MINK1: variants seen among roughly 807,000 people sequenced by gnomAD.
The protein encoded by MINK1 is misshapen-like kinase 1.
In MINK1, 46 loss-of-function variants were observed where a neutral mutation model predicts 178.4. The observed-to-expected ratio is 0.26, with a 90% CI of 0.20 to 0.33. MINK1 has a LOEUF of 0.33. Ranked by LOEUF, MINK1 falls within the 10% of genes least tolerant of loss-of-function variation. MINK1 has a pLI of 1.00. For missense variants in MINK1, 1,366 were observed against 1,814.9 expected, an observed-to-expected ratio of 0.75 and a Z score of 4.49; for synonymous variants, 797 against 709.7, an observed-to-expected ratio of 1.12 and a Z score of -1.96.
intron 4 of MINK1, 49 bp downstream of exon 4, chr17:4,881,306 C>T (rs563630598): frequency 1.7e-5 from 26 of 1,526,458 alleles, no homozygotes; most frequent in South Asian, 9.6e-5. Context: ...TCCCTGTCTC[C>T]GGGCTGTTCA....
intron 1 of MINK1, among the ~76,000 whole-genome samples, chr17:4,860,168 T>G (rs1015916188): frequency 6.6e-6 from 1 of 152,184 alleles, no homozygotes; most frequent in Non-Finnish European, 1.5e-5. Flanking sequence ...TAGCCAGAGT[T>G]CTCATCTGCC....
intron 1 of MINK1, among the ~76,000 whole-genome samples, chr17:4,841,717 G>A (rs1031875094): frequency 1.3e-5 from 2 of 152,098 alleles, no homozygotes; most frequent in Admixed American, 1.3e-4. Flanking sequence ...GCACACAGTA[G>A]GGGTTCAGAA....
Position 4,894,357 on chromosome 17 carries a change from G to C in MINK1, c.2808+46G>C, listed in dbSNP as rs775572672. On this transcript the variant is annotated intron_variant, in intron 23 of 31. Coordinates refer to ENST00000355280, the MANE Select transcript of MINK1 (RefSeq NM_153827.5). The surrounding 1 kb of genome is among the most constrained non-coding windows in gnomAD (Gnocchi z 4.1). The stretch of plus-strand genomic sequence containing the variant: ...TCCGCCGGGAGAGAAGAGCCCTGGC[G>C]ATGGGCAGGAGGTCCCGGTGCTGGG... The C allele has an allele frequency of 8.2e-6, 13 of 1,591,610 alleles. No individual in the cohort carries two copies. In the South Asian group the frequency reaches 9.1e-5, roughly 11 times the overall value.
rs1391567031 is a variant in MINK1, at chr17:4,887,574, G to A, written c.1020-6G>A. 3 of 1,511,698 alleles carry A rather than the reference G, an allele frequency of 2.0e-6. No individual in the cohort carries two copies. The highest frequency in any genetic ancestry group is 2.3e-5 in the Admixed American group (1 of 43,542). 93.6% of individuals were successfully genotyped at this position (1,511,698 alleles called of 1,614,324 possible). ...CCCAGTGCTTCTTTGTGCCACCCCT[G>A]CCCAGCTCCATCATGAACGTGCCTG... On this transcript the variant is annotated splice_polypyrimidine_tract_variant and splice_region_variant and intron_variant, in intron 11 of 31. Coordinates refer to ENST00000355280, the MANE Select transcript of MINK1 (RefSeq NM_153827.5). This position sits in a 1 kb window ranked among gnomAD's most constrained non-coding sequence, Gnocchi z 7.6.
intron 1 of MINK1, chr17:4,871,181 ATTTT>A (rs148817521): frequency 1.3e-3 from 174 of 134,804 alleles, no homozygotes; most frequent in South Asian, 0.01. Flanking sequence ...GTTTGTTTTA[ATTTT>A]TTTTTTTTTT....
In MINK1 at chr17:4,896,956, A is replaced by T; in HGVS notation, c.3915+143A>T. 8.7e-7 allele frequency: 1 copy of T among 1,155,722 alleles called. No homozygotes were observed. Among genetic ancestry groups the T allele is most frequent in the South Asian group, 1.6e-5 (1 of 60,638 alleles). 71.6% of individuals were successfully genotyped at this position (1,155,722 alleles called of 1,614,324 possible). On this transcript the variant is annotated intron_variant, in intron 31 of 31. Coordinates refer to ENST00000355280, the MANE Select transcript of MINK1 (RefSeq NM_153827.5). The surrounding 1 kb of genome is among the most constrained non-coding windows in gnomAD (Gnocchi z 4.6). ...GGAGCTCAGAGGGCAGTCAGCCACT[A>T]CCACTGCCCTGCGCTCCCTTCAGAT... is the stretch of plus-strand genomic sequence containing the variant.
chr17:4,887,675 AGCAGCAGCT>A lies in MINK1; in HGVS notation c.1124_1132del (p.Leu375_Gln377del), dbSNP rs758844142. On this transcript the variant is annotated inframe_deletion, in exon 12 of 32. Transcript: ENST00000355280. The surrounding 1 kb of genome is among the most constrained non-coding windows in gnomAD (Gnocchi z 7.6). Reference sequence around the variant, plus strand: ...AGCAACTCAGAGGCTTTAAAACAGCAGCAGCAGCTGCAGCAGCAGCAGCAGCGAGACCCC... The same window carrying A: ...AGCAACTCAGAGGCTTTAAAACAGCAGCAGCAGCAGCAGCAGCGAGACCCC... The A allele has an allele frequency of 6.4e-7, 1 of 1,565,388 alleles. No individual in the cohort carries two copies. Among genetic ancestry groups the A allele is most frequent in the Middle Eastern group, 1.7e-4 (1 of 5,992 alleles).
chr17:4,895,440 G>A lies in MINK1; in HGVS notation c.3176G>A (p.Arg1059His), dbSNP rs994411662. The change falls in exon 26 of 32, where the codon CGC becomes CAC. Residue 1059 changes from arginine to histidine, a missense_variant. Transcript: ENST00000355280. The surrounding 1 kb of genome is among the most constrained non-coding windows in gnomAD (Gnocchi z 4.3). Reference sequence around the variant, plus strand: ...GTGTATGGACTCATTGGGCGGCGACGCTTCCAGCAGATGGATGTGCTGGAG... The same window carrying A: ...GTGTATGGACTCATTGGGCGGCGACACTTCCAGCAGATGGATGTGCTGGAG... The part of the protein sequence containing the change: ...GKVYGLIGRR[R>H]FQQMDVLEGL... 2.5e-6 allele frequency: 4 copies of A among 1,606,728 alleles called. No individual in the cohort carries two copies. The highest frequency in any genetic ancestry group is 3.4e-6 in the Non-Finnish European group (4 of 1,175,642).
intron 20 of MINK1, 121 bp downstream of exon 20, chr17:4,893,188 G>T: frequency 2.0e-6 from 3 of 1,537,328 alleles, no homozygotes; most frequent in South Asian, 1.2e-5. Context: ...GGGATGGAGG[G>T]ACTGGTGCTT....
At position 4,892,465 on chromosome 17, in the gene MINK1, G is replaced by T. The variant is rs866585378; in HGVS notation, c.2151G>T (p.Lys717Asn). 1.9e-6 allele frequency: 3 copies of T among 1,563,030 alleles called. No homozygotes were observed. The highest frequency in any genetic ancestry group is 2.4e-5 in the East Asian group (1 of 41,606). The change falls in exon 18 of 32, where the codon AAG becomes AAT. Residue 717 changes from lysine (K) to asparagine (N), a missense_variant. This residue lies in a region of MINK1 where 709 missense variants were observed against 692.3 expected (regional missense o/e 1.02). Transcript: ENST00000355280. ...LQRRAERGTP[K>N]PPGPPAQPPG... ...GGCGGGCAGAGCGGGGCACCCCAAA[G>T]CCTCCAGGGCCCCCTGCTCAGCCCC...
intron 13 of MINK1, chr17:4,890,006 C>T (rs193168802): frequency 5.0e-5 from 28 of 559,928 alleles, no homozygotes; most frequent in Non-Finnish European, 8.5e-5. Flanking sequence ...CCTTCCTCAT[C>T]CCCCCTCATT....
chr17:4,888,922 A>G (rs1968492248), intron 12 of MINK1, among the ~76,000 whole-genome samples: 1 of 151,716 alleles, frequency 6.6e-6, no homozygotes, highest in Non-Finnish European at 1.5e-5. Context: ...CTGGTCTCGA[A>G]CTCCCGACCT....
At chr17:4,849,863 G>C (rs1039135536) in intron 1 of MINK1, among the ~76,000 whole-genome samples, 1 of 152,106 alleles carries the variant, frequency 6.6e-6, no homozygotes, top group Non-Finnish European at 1.5e-5. Context: ...GTGAGCCACC[G>C]CGCCCGGCTG....
chr17:4,872,393 G>A (rs1030117640), intron 1 of MINK1, among the ~76,000 whole-genome samples: 1 of 151,142 alleles, frequency 6.6e-6, no homozygotes, highest in Non-Finnish European at 1.5e-5. Flanking sequence ...AATCCCAGCA[G>A]TTTGGGAGGC....
chr17:4,854,784 C>A, intron 1 of MINK1: 1 of 492,972 alleles, frequency 2.0e-6, no homozygotes, highest in Non-Finnish European at 4.1e-6. Flanking sequence ...ACAAGTACTT[C>A]ACGTTGTGGA....
At chr17:4,880,744 A>G (rs1287912554) in intron 2 of MINK1, among the ~76,000 whole-genome samples, 3 of 151,620 alleles carry the variant, frequency 2.0e-5, no homozygotes, top group South Asian at 4.2e-4. Context: ...CTAAAAATAC[A>G]AAAAAATTAG....
rs1362153302 is a variant in MINK1, at chr17:4,833,945, A to G, written c.57+305A>G. 2.0e-5 allele frequency among the ~76,000 whole-genome samples: 3 copies of G among 152,050 alleles called. No homozygotes were observed. The highest frequency in any genetic ancestry group is 4.4e-5 in the Non-Finnish European group (3 of 68,006). ...GGGACCCACTGGTTCGCCTAAACTTAGCCTCCCCCATCACCTGGAGAACCT... is the reference window on the plus strand; with the variant it reads ...GGGACCCACTGGTTCGCCTAAACTTGGCCTCCCCCATCACCTGGAGAACCT... On this transcript the variant is annotated intron_variant, in intron 1 of 31. Transcript: ENST00000355280. This position sits in a 1 kb window ranked among gnomAD's most constrained non-coding sequence, Gnocchi z 4.8.
At chr17:4,849,815 C>T (rs563393291) in intron 1 of MINK1, among the ~76,000 whole-genome samples, 6 of 152,296 alleles carry the variant, frequency 3.9e-5, no homozygotes, top group Middle Eastern at 3.4e-3. Flanking sequence ...TCAGGTGGTC[C>T]GCCCGCCTCG....
In MINK1 at chr17:4,890,951, G is replaced by T; in HGVS notation, c.1567G>T (p.Val523Leu). Residue 523 changes from valine to leucine, a missense_variant and splice_region_variant, in exon 15 of 32, where the codon GTA (valine) becomes TTA (leucine). By Grantham distance (32) the Val-to-Leu change is conservative (BLOSUM62 1). Transcript: ENST00000355280. ...TGCTTGACATCCCTTCACATCACAG[G>T]TAGAAGAGAGAACAAGGATGAACAA... ...PADKPAWARE[V>L]EERTRMNKQQ... is the part of the protein sequence containing the mutation. 1 of 1,554,560 alleles carries T rather than the reference G, an allele frequency of 6.4e-7. No homozygotes were observed. The highest frequency in any genetic ancestry group is 8.7e-7 in the Non-Finnish European group (1 of 1,148,706).
Sources: allele counts gnomAD v4.1 joint callset (sites outside exome capture counted in the v4.1 genomes callset), GRCh38; gene constraint gnomAD v4.1.1; regional missense constraint gnomAD v4.1.1; non-coding constraint Gnocchi (gnomAD v3.1); transcripts MANE v1.5; gene names NCBI Gene and HGNC (gene_info 2026-07-23, HGNC 2026-07-21).